Variants in GCC2 observed in about 807,000 individuals in gnomAD.
GCC2 encodes GRIP and coiled-coil domain containing 2, also known as GRIP and coiled-coil domain-containing protein 2.
In GCC2, 120 loss-of-function variants were observed where a neutral mutation model predicts 210.6. That is an observed-to-expected ratio of 0.57 (90% CI 0.49 to 0.66). GCC2 has a LOEUF of 0.66. Ranked by LOEUF, GCC2 falls within the 30% of genes least tolerant of loss-of-function variation. GCC2 has a pLI of 0.00. For missense variants in GCC2, 1,868 were observed against 1,871.9 expected (o/e 1.00, Z 0.04); for synonymous variants, 703 against 652.7 (o/e 1.08, Z -1.17).
rs1015529394 is a variant in GCC2, at chr2:108,475,843, G to A, written c.3053G>A (p.Ser1018Asn). The change falls in exon 9 of 23, where the codon AGC becomes AAC. Residue 1018 changes from serine to asparagine, a missense_variant. By Grantham distance (46) the Ser-to-Asn change is conservative (BLOSUM62 1). Transcript: ENST00000309863. ...AGAGATCTCATTCAAGGAGCAGAAA[G>A]CTATAAGGTAAAAAATAGTCATTTT... is the stretch of plus-strand genomic sequence containing the variant. Reference protein sequence around the residue: ...SMRDLIQGAESYKNLLLEYEK... With the variant: ...SMRDLIQGAENYKNLLLEYEK... 3.2e-6 allele frequency: 5 copies of A among 1,539,958 alleles called. No individual in the cohort carries two copies. The highest frequency in any genetic ancestry group is 1.4e-5 in the African/African-American group (1 of 71,862).
chr2:108,480,141 T>G (rs1187399515), intron 9 of GCC2, among the ~76,000 whole-genome samples: 1 of 152,154 alleles, frequency 6.6e-6, no homozygotes, highest in Admixed American at 6.5e-5. Context: ...AATATCTCAG[T>G]GGAACTTCCA....
In GCC2 at chr2:108,481,681, CCTT is replaced by C. The variant is rs1681858004; in HGVS notation, c.3061-12_3061-10del. 2 of 1,572,530 alleles carry C rather than the reference CCTT, an allele frequency of 1.3e-6. No individual in the cohort carries two copies. Among genetic ancestry groups the C allele is most frequent in the African/African-American group, 1.4e-5 (1 of 72,592 alleles). ...GCAAAATTATATACCAAAGTTAAATCCTTCTTTTATTGAAGAATCTTTTATTAG... is the reference window on the plus strand; with the variant it reads ...GCAAAATTATATACCAAAGTTAAATCCTTTTATTGAAGAATCTTTTATTAG... On this transcript the variant is annotated splice_polypyrimidine_tract_variant and intron_variant, in intron 9 of 22. Transcript: ENST00000309863.
chr2:108,508,935 C>T lies in GCC2; in HGVS notation c.*1305C>T, dbSNP rs1368029879. On this transcript the variant is annotated 3_prime_UTR_variant, in exon 23 of 23. Coordinates refer to ENST00000309863, the MANE Select transcript of GCC2 (RefSeq NM_181453.4). ...TCTGAGCTGGAGAACTGGCTTTGCA[C>T]TTTGGTTACACAGAACATTGGTTTC... is the stretch of plus-strand genomic sequence containing the variant. 2 of 152,658 alleles carry T rather than the reference C, an allele frequency of 1.3e-5. No individual in the cohort carries two copies. Among genetic ancestry groups the T allele is most frequent in the Non-Finnish European group, 2.9e-5 (2 of 68,034 alleles). 9.5% of individuals were successfully genotyped at this position (152,658 alleles called of 1,614,324 possible).
chr2:108,474,136 C>T (rs973175521), intron 7 of GCC2, among the ~76,000 whole-genome samples: 5 of 151,838 alleles, frequency 3.3e-5, no homozygotes, highest in Non-Finnish European at 7.4e-5. Flanking sequence ...CCAGCCTGGG[C>T]GACAGAGGGA....
chr2:108,501,658 A>G (rs1682932228), intron 22 of GCC2, among the ~76,000 whole-genome samples: 1 of 152,018 alleles, frequency 6.6e-6, no homozygotes, highest in Non-Finnish European at 1.5e-5. Flanking sequence ...CAGGCATCTG[A>G]ATCATCTGGT....
rs569948961 is a variant in GCC2, at chr2:108,481,883, A to C, written c.3180+67A>C. 56 of 1,225,486 alleles carry C rather than the reference A, an allele frequency of 4.6e-5. 3 individuals carry two copies. The highest frequency in any genetic ancestry group is 9.6e-5 in the South Asian group (6 of 62,726). The allele number at this position is 1,225,486 out of a possible 1,614,324, so 75.9% of individuals were successfully genotyped here. ...ATATTTTAATCTCAATACTTTTTGC[A>C]TAAAAAATTTAAAAAATATAGTCGG... On this transcript the variant is annotated intron_variant, in intron 10 of 22. Transcript: ENST00000309863.
intron 22 of GCC2, among the ~76,000 whole-genome samples, chr2:108,504,626 T>G (rs889436268): frequency 6.6e-6 from 1 of 152,210 alleles, no homozygotes; most frequent in Non-Finnish European, 1.5e-5. Flanking sequence ...ATTTCACAAA[T>G]TGAGTGTTTC....
chr2:108,449,509 C>T (rs1381458403), intron 1 of GCC2, 124 bp from the exon 2 acceptor site: 1 of 1,235,004 alleles, frequency 8.1e-7, no homozygotes, highest in Non-Finnish European at 1.2e-6. Flanking sequence ...CCCTCATTCT[C>T]TGTCTCACGA....
At chr2:108,483,212 T>G in intron 12 of GCC2, 46 bp downstream of exon 12, 1 of 948,932 alleles carries the variant, frequency 1.1e-6, no homozygotes, top group Non-Finnish European at 1.7e-6. Flanking sequence ...ATTCACATTG[T>G]TCTGTTTTGT....
intron 13 of GCC2, among the ~76,000 whole-genome samples, chr2:108,485,322 TAAAAAAAAAAA>T (rs79842498): frequency 7.3e-6 from 1 of 136,786 alleles, no homozygotes; most frequent in East Asian, 2.1e-4. Flanking sequence ...AAAGTATAAT[TAAAAAAAAAAA>T]AGAAAAAAAA....
chr2:108,505,617 C>A (rs1261505673), intron 22 of GCC2, among the ~76,000 whole-genome samples: 1 of 152,118 alleles, frequency 6.6e-6, no homozygotes, highest in Non-Finnish European at 1.5e-5. Flanking sequence ...GAACACAGGC[C>A]ATCAGTTTAG....
At position 108,471,026 on chromosome 2, in the gene GCC2, A is replaced by G. The variant is rs1302431416; in HGVS notation, c.1697A>G (p.Glu566Gly). The G allele has an allele frequency of 4.4e-6, 7 of 1,609,080 alleles. No individual in the cohort carries two copies. Among genetic ancestry groups the G allele is most frequent in the Non-Finnish European group, 6.0e-6 (7 of 1,176,156 alleles). ...ELENTIKNLQEKNGVYLLSLS... is the reference protein window; with the variant it reads ...ELENTIKNLQGKNGVYLLSLS... ...GAAAATACCATAAAGAACCTTCAAGAAAAGAATGGAGTATACTTACTTAGT... is the reference window on the plus strand; with the variant it reads ...GAAAATACCATAAAGAACCTTCAAGGAAAGAATGGAGTATACTTACTTAGT... The change falls in exon 6 of 23, where the codon GAA (glutamate) becomes GGA (glycine). Residue 566 changes from glutamate (E) to glycine (G), a missense_variant. Coordinates refer to ENST00000309863, the MANE Select transcript of GCC2 (RefSeq NM_181453.4).
chr2:108,474,824 CAGA>C (rs1274157961), intron 7 of GCC2: 1 of 152,032 alleles, frequency 6.6e-6, no homozygotes, highest in Non-Finnish European at 1.5e-5. Context: ...ATTATTGCTG[CAGA>C]AGAAGGAGGG....
chr2:108,451,827 T>TTCTCTC (rs906608032), intron 3 of GCC2, among the ~76,000 whole-genome samples: 1,920 of 149,692 alleles, frequency 0.013, 59 homozygotes, highest in African/African-American at 0.046. Context: ...AACGTTTCTT[T>TTCTCTC]TCTCTCTCTC....
rs1490121597 is a variant in GCC2, at chr2:108,470,912, C to A, written c.1583C>A (p.Thr528Asn). 1.2e-6 allele frequency: 2 copies of A among 1,613,374 alleles called. No homozygotes were observed. Among genetic ancestry groups the A allele is most frequent in the Non-Finnish European group, 1.7e-6 (2 of 1,179,648 alleles). The change falls in exon 6 of 23, where the codon ACT (threonine) becomes AAT (asparagine). Residue 528 changes from threonine to asparagine, a missense_variant. Coordinates refer to ENST00000309863, the MANE Select transcript of GCC2 (RefSeq NM_181453.4). ...ELQQKLRTAF[T>N]EKDALLETVN... ...CAGCAGAAGCTCAGAACTGCTTTTA[C>A]TGAAAAAGATGCCCTTCTCGAAACT...
In GCC2 at chr2:108,486,632, A is replaced by G; in HGVS notation, c.3914A>G (p.Glu1305Gly). 6.2e-7 allele frequency: 1 copy of G among 1,612,366 alleles called. No homozygotes were observed. The highest frequency in any genetic ancestry group is 8.5e-7 in the Non-Finnish European group (1 of 1,179,310). The part of the protein sequence containing the change: ...YQQRVTALQE[E>G]CRAAKAEQAT... Reference sequence around the variant, plus strand: ...CAGAGAGTGACAGCACTACAGGAAGAGTGCCGTGCTGCCAAGGTGCGTTCT... The same window carrying G: ...CAGAGAGTGACAGCACTACAGGAAGGGTGCCGTGCTGCCAAGGTGCGTTCT... The change falls in exon 16 of 23, where the codon GAG becomes GGG. Residue 1305 changes from glutamate (E) to glycine (G), a missense_variant. Around this residue, in one of 3 missense-constraint regions of GCC2, gnomAD observed 1,847 missense variants for 1,765.2 expected, o/e 1.05. Coordinates refer to ENST00000309863, the MANE Select transcript of GCC2 (RefSeq NM_181453.4).
intron 3 of GCC2, among the ~76,000 whole-genome samples, chr2:108,451,446 A>G (rs1679938530): frequency 6.6e-6 from 1 of 152,218 alleles, no homozygotes; most frequent in African/African-American, 2.4e-5. Context: ...GTCAGTTGAA[A>G]TGTTAGAGAC....
intron 22 of GCC2, among the ~76,000 whole-genome samples, chr2:108,504,352 GGTAAA>G (rs1683082689): frequency 6.6e-6 from 1 of 151,944 alleles, no homozygotes; most frequent in Non-Finnish European, 1.5e-5. Flanking sequence ...TAGCTTAGGG[GGTAAA>G]GTAGGTTACC....
At chr2:108,485,204 GA>G (rs1232046990) in intron 13 of GCC2, among the ~76,000 whole-genome samples, 9 of 151,472 alleles carry the variant, frequency 5.9e-5, no homozygotes, top group Non-Finnish European at 8.8e-5. Flanking sequence ...ATAGCATTGG[GA>G]GATATACCTA....
Sources: gnomAD v4.1 joint callset for allele counts (sites outside exome capture counted in the v4.1 genomes callset) on GRCh38, gnomAD v4.1.1 for gene constraint, gnomAD v4.1.1 regional missense constraint, MANE v1.5 for transcripts, NCBI Gene and HGNC (gene_info 2026-07-23, HGNC 2026-07-21) for gene names.